Variants in IQGAP3 observed in about 807,000 individuals in gnomAD.
IQGAP3 encodes the protein ras GTPase-activating-like protein IQGAP3.
In IQGAP3, 165 loss-of-function variants were observed where a neutral mutation model predicts 208.2. That is an observed-to-expected ratio of 0.79 (90% CI 0.70 to 0.90). The LOEUF is 0.90. Ranked by LOEUF, IQGAP3 falls within the 40% of genes least tolerant of loss-of-function variation. IQGAP3 has a pLI of 0.00. For synonymous variants in IQGAP3, 703 were observed against 803.6 expected, an observed-to-expected ratio of 0.87 and a Z score of 2.12; for missense variants, 1,811 against 2,043.1, an observed-to-expected ratio of 0.89 and a Z score of 2.19.
Position 156,539,960 on chromosome 1 carries a change from T to A in IQGAP3, c.2770A>T (p.Lys924Ter), listed in dbSNP as rs755094371. 6.2e-7 allele frequency: 1 copy of A among 1,614,120 alleles called. No homozygotes were observed. Among genetic ancestry groups the A allele is most frequent in the Admixed American group, 1.7e-5 (1 of 60,004 alleles). The stretch of plus-strand genomic sequence containing the variant: ...TCTGACAGCTGTTCCTTATTCCTCT[T>A]GGTCAGCTTCTTGCAGTGGGAGACC... ...EVVSHCKKLT[K>*]RNKEQLSDMM... Residue 924 changes from lysine (K) to a stop codon, truncating the protein, a stop_gained, in exon 24 of 38, where the codon AAG (lysine) becomes TAG (stop). Coordinates refer to ENST00000361170, the MANE Select transcript of IQGAP3 (RefSeq NM_178229.5). LOFTEE classifies it high-confidence loss of function.
chr1:156,548,775 T>A, intron 16 of IQGAP3, 27 bp from the exon 17 acceptor site: 1 of 1,526,058 alleles, frequency 6.6e-7, no homozygotes, highest in South Asian at 1.3e-5. Context: ...GAGAGAGCAG[T>A]CAATCCTTCC....
rs191463886 is a variant in IQGAP3, at chr1:156,527,247, T to C, written c.4783-648A>G. Among the ~76,000 whole-genome samples the C allele has an allele frequency of 2.8e-3, 420 of 150,796 alleles. 2 individuals are homozygous for C. Among genetic ancestry groups the C allele is most frequent in the African/African-American group, 8.5e-3 (351 of 41,218 alleles). The stretch of plus-strand genomic sequence containing the variant: ...TGTAAATCCCAGCATTTTGGGAGGC[T>C]GAGGCGGGCGGATCACAAGGTCAGC... On this transcript the variant is annotated intron_variant, in intron 37 of 37. Transcript: ENST00000361170.
At chr1:156,536,151 C>T (rs972874611) in intron 27 of IQGAP3, among the ~76,000 whole-genome samples, 1 of 152,076 alleles carries the variant, frequency 6.6e-6, no homozygotes, top group Admixed American at 6.6e-5. Context: ...TCCGGTTCTC[C>T]AGGTTTGGGG....
In IQGAP3 at chr1:156,538,977, A is replaced by G; in HGVS notation, c.3113T>C (p.Leu1038Pro). 1 of 1,614,150 alleles carries G rather than the reference A, an allele frequency of 6.2e-7. No homozygotes were observed. Among genetic ancestry groups the G allele is most frequent in the Non-Finnish European group, 8.5e-7 (1 of 1,180,008 alleles). Residue 1038 changes from leucine to proline, a missense_variant, in exon 26 of 38, where the codon CTG becomes CCG. Physicochemically the swap from Leu to Pro is moderately conservative, Grantham distance 98 (BLOSUM62 -3). Coordinates refer to ENST00000361170, the MANE Select transcript of IQGAP3 (RefSeq NM_178229.5). The stretch of plus-strand genomic sequence containing the variant: ...CCCATTACGGTAGAATCTCACCACC[A>G]GCCTCACCACTGTTGGGTTGCCTGT... ...VVTGNPTVVR[L>P]VVRFYRNGRG...
chr1:156,564,042 G>T (rs774464694), intron 5 of IQGAP3, among the ~76,000 whole-genome samples: 2 of 152,104 alleles, frequency 1.3e-5, no homozygotes, highest in Non-Finnish European at 2.9e-5. Context: ...GGGTCTGAGG[G>T]GATTAGGAAG....
At chr1:156,532,898 G>A in intron 32 of IQGAP3, 82 bp downstream of exon 32, 1 of 1,482,114 alleles carries the variant, frequency 6.7e-7, no homozygotes, top group Non-Finnish European at 9.3e-7. Context: ...AAGGTGGAAT[G>A]GGCGCCTCAG....
At chr1:156,558,365 G>GGGT (rs1177507550) in intron 11 of IQGAP3, among the ~76,000 whole-genome samples, 2 of 47,570 alleles carry the variant, frequency 4.2e-5, no homozygotes, top group African/African-American at 1.4e-4. Context: ...CCGTCCGGGA[G>GGGT]GGTGGTGGGG....
chr1:156,540,137 G>A, intron 23 of IQGAP3, 147 bp from the exon 24 acceptor site: 1 of 819,366 alleles, frequency 1.2e-6, no homozygotes, highest in Non-Finnish European at 1.9e-6. Context: ...CAGTTCTAGG[G>A]TGAGGAAGGG....
At chr1:156,550,217 T>C in intron 16 of IQGAP3, 44 bp downstream of exon 16, 1 of 1,382,158 alleles carries the variant, frequency 7.2e-7, no homozygotes, top group Non-Finnish European at 1.0e-6. Context: ...TGAGCCCACA[T>C]CACCATCCCT....
chr1:156,526,545 C>T lies in IQGAP3; in HGVS notation c.4837G>A (p.Ala1613Thr), dbSNP rs1399468126. The T allele has an allele frequency of 5.6e-6, 9 of 1,614,162 alleles. No individual in the cohort carries two copies. The highest frequency in any genetic ancestry group is 1.1e-5 in the South Asian group (1 of 91,086). The change falls in exon 38 of 38, where the codon GCC becomes ACC. Residue 1613 changes from alanine (A) to threonine (T), a missense_variant. By Grantham distance (58) the Ala-to-Thr change is moderately conservative (BLOSUM62 0). Transcript: ENST00000361170. ...ATGAGAAGGTTGACATTGACTTTGG[C>T]CTTGTTGAAGAGTTTCATGACAGCC... is the stretch of plus-strand genomic sequence containing the variant. ...GVAVMKLFNK[A>T]KVNVNLLIFL...
Position 156,543,970 on chromosome 1 carries a change from A to G in IQGAP3, c.2530+11T>C. ...TCCCAACAGCTGGGGAGGGTGGATC[A>G]GGCAGCTCACCTAATATCCTGTAGT... On this transcript the variant is annotated intron_variant, in intron 22 of 37. Coordinates refer to ENST00000361170, the MANE Select transcript of IQGAP3 (RefSeq NM_178229.5). 6.2e-7 allele frequency: 1 copy of G among 1,613,512 alleles called. No homozygotes were observed. The highest frequency in any genetic ancestry group is 8.5e-7 in the Non-Finnish European group (1 of 1,179,410).
At chr1:156,563,965 C>T in intron 5 of IQGAP3, 141 bp from the exon 6 acceptor site, 1 of 646,648 alleles carries the variant, frequency 1.5e-6, no homozygotes, top group Admixed American at 2.9e-5. Context: ...CCCCAACCCA[C>T]ATAAAGAAAT....
At chr1:156,539,118 C>A in intron 25 of IQGAP3, 85 bp from the exon 26 acceptor site, 1 of 1,204,470 alleles carries the variant, frequency 8.3e-7, no homozygotes, top group South Asian at 1.3e-5. Flanking sequence ...TTTTGGCTCT[C>A]AAAGCCTGCC....
chr1:156,568,193 T>A (rs1024086231), intron 2 of IQGAP3, among the ~76,000 whole-genome samples: 1 of 151,856 alleles, frequency 6.6e-6, no homozygotes, highest in African/African-American at 2.4e-5. Context: ...ACTAATGAAG[T>A]CTTCTTGTCA....
chr1:156,567,808 C>T (rs879647704), intron 2 of IQGAP3, among the ~76,000 whole-genome samples: 16 of 152,014 alleles, frequency 1.1e-4, no homozygotes, highest in African/African-American at 3.9e-4. Context: ...TTAGAGTAAC[C>T]GAATAGTCCT....
At chr1:156,538,045 C>T (rs1674786175) in intron 26 of IQGAP3, among the ~76,000 whole-genome samples, 1 of 152,026 alleles carries the variant, frequency 6.6e-6, no homozygotes, top group Non-Finnish European at 1.5e-5. Flanking sequence ...GAGTGCGCCA[C>T]AACACCCGGC....
At position 156,562,584 on chromosome 1, in the gene IQGAP3, T is replaced by TA; in HGVS notation, c.877+2dup. The TA allele has an allele frequency of 6.2e-7, 1 of 1,613,436 alleles. No individual in the cohort carries two copies. The highest frequency in any genetic ancestry group is 8.5e-7 in the Non-Finnish European group (1 of 1,179,344). On this transcript the variant is annotated splice_region_variant and intron_variant, in intron 9 of 37. Coordinates refer to ENST00000361170, the MANE Select transcript of IQGAP3 (RefSeq NM_178229.5). ...CAAACCACTCCTGCTCGAGGTCTCTTACCGTTGACATGGTTGATATTGCCC... is the reference window on the plus strand; with the variant it reads ...CAAACCACTCCTGCTCGAGGTCTCTTAACCGTTGACATGGTTGATATTGCCC...
chr1:156,536,706 T>C (rs1674701697), intron 27 of IQGAP3: 1 of 152,662 alleles, frequency 6.6e-6, no homozygotes, highest in African/African-American at 2.4e-5. Flanking sequence ...CATTGCACAA[T>C]GTATACACGT....
intron 26 of IQGAP3, among the ~76,000 whole-genome samples, chr1:156,537,890 A>G (rs1377364256): frequency 6.6e-6 from 1 of 151,226 alleles, no homozygotes; most frequent in Non-Finnish European, 1.5e-5. Flanking sequence ...AACTCCCAGC[A>G]AATTTTTTTT....
Sources: allele counts gnomAD v4.1 joint callset (sites outside exome capture counted in the v4.1 genomes callset), GRCh38; gene constraint gnomAD v4.1.1; transcripts MANE v1.5; gene names NCBI Gene and HGNC (gene_info 2026-07-23, HGNC 2026-07-21).